The following EZR variants were observed in gnomAD, a reference collection of about 807,000 sequenced individuals.
The protein encoded by EZR is ezrin.
A neutral mutation model predicts 74.8 loss-of-function variants in EZR; 40 were observed. That is an observed-to-expected ratio of 0.53 (90% confidence interval 0.42 to 0.70). The LOEUF (loss-of-function observed/expected upper bound fraction) is 0.70. Ranked by LOEUF, EZR falls within the 30% of genes least tolerant of loss-of-function variation. EZR has a pLI of 0.00. For synonymous variants in EZR, 341 were observed against 283.3 expected (o/e 1.20, Z -2.05); for missense variants, 678 against 755.8 (o/e 0.90, Z 1.21).
At chr6:158,794,702 G>GTACAGGTGT (rs1777032145) in intron 2 of EZR, among the ~76,000 whole-genome samples, 1 of 152,174 alleles carries the variant, frequency 6.6e-6, no homozygotes, top group Non-Finnish European at 1.5e-5. Context: ...ATCACGTGTA[G>GTACAGGTGT]TACAGGTGTG....
chr6:158,792,680 G>A (rs559430477), intron 2 of EZR, among the ~76,000 whole-genome samples: 6 of 152,038 alleles, frequency 3.9e-5, no homozygotes, highest in African/African-American at 9.6e-5. Context: ...TTATCCAGGT[G>A]TGCGGGCGCC....
intron 4 of EZR, among the ~76,000 whole-genome samples, chr6:158,786,233 G>C (rs1478572704): frequency 6.6e-6 from 1 of 152,086 alleles, no homozygotes; most frequent in Non-Finnish European, 1.5e-5. Context: ...AATTAGCCGG[G>C]CATGATGGCA....
Position 158,767,437 on chromosome 6 carries a change from G to A in EZR, c.1420C>T (p.Pro474Ser). The A allele has an allele frequency of 6.2e-7, 1 of 1,613,096 alleles. No homozygotes were observed. The highest frequency in any genetic ancestry group is 8.5e-7 in the Non-Finnish European group (1 of 1,179,480). ...CTCACCGGCTCGTACACGGGGGGTG[G>A]TGGGGGCGGGGGTGCTGTCATCACC... ...HLVMTAPPPPPPPVYEPVSYH... is the reference protein window; with the variant it reads ...HLVMTAPPPPSPPVYEPVSYH... The change falls in exon 13 of 14, where the codon CCA becomes TCA. Residue 474 changes from proline to serine, a missense_variant. Pro to Ser is a moderately conservative substitution (Grantham distance 74, BLOSUM62 -1). This residue lies in a region of EZR where 342 missense variants were observed against 341.2 expected (regional missense o/e 1.00). Coordinates refer to ENST00000367075, the MANE Select transcript of EZR (RefSeq NM_001111077.2).
At chr6:158,777,883 G>C (rs535776346) in intron 7 of EZR, among the ~76,000 whole-genome samples, 1 of 150,086 alleles carries the variant, frequency 6.7e-6, no homozygotes, top group East Asian at 1.9e-4. Flanking sequence ...TTCTTTTACA[G>C]TGCTATGCTC....
chr6:158,777,099 C>T (rs745341066), intron 7 of EZR, among the ~76,000 whole-genome samples: 20 of 152,240 alleles, frequency 1.3e-4, no homozygotes, highest in Non-Finnish European at 7.3e-5. Context: ...AACATACAGG[C>T]TCTTCTGCTA....
intron 2 of EZR, among the ~76,000 whole-genome samples, chr6:158,793,727 C>T (rs912448008): frequency 2.0e-5 from 3 of 152,192 alleles, no homozygotes; most frequent in African/African-American, 7.2e-5. Flanking sequence ...TCCACACACA[C>T]ATTTCCAAAT....
chr6:158,768,600 G>A (rs1790993670), intron 12 of EZR, among the ~76,000 whole-genome samples: 1 of 152,150 alleles, frequency 6.6e-6, no homozygotes, highest in Non-Finnish European at 1.5e-5. Context: ...TCTCCAGTGG[G>A]AACCATCCCC....
chr6:158,789,397 C>A, intron 2 of EZR, 26 bp from the exon 3 acceptor site: 1 of 1,591,678 alleles, frequency 6.3e-7, no homozygotes, highest in Non-Finnish European at 8.6e-7. Flanking sequence ...AAACAAATTA[C>A]GCTTAACTGA....
intron 2 of EZR, among the ~76,000 whole-genome samples, chr6:158,816,903 T>C (rs1462269056): frequency 3.3e-5 from 5 of 152,106 alleles, no homozygotes; most frequent in South Asian, 2.1e-4. Context: ...CTGGCCAACA[T>C]GGTGAAACCC....
intron 2 of EZR, among the ~76,000 whole-genome samples, chr6:158,793,333 G>A (rs1373318348): frequency 6.6e-6 from 1 of 151,940 alleles, no homozygotes; most frequent in Non-Finnish European, 1.5e-5. Context: ...CCTGTTAAAA[G>A]GAATAATTTC....
intron 7 of EZR, among the ~76,000 whole-genome samples, chr6:158,782,054 TG>T (rs1391950729): frequency 6.6e-6 from 1 of 152,176 alleles, no homozygotes; most frequent in East Asian, 1.9e-4. Context: ...CCGCTGTGCC[TG>T]GCTTTTCCGT....
rs1217880341 is a variant in EZR at position 158,769,846 on chromosome 6, G to A, written c.1189C>T (p.Leu397=). The A allele has an allele frequency of 1.2e-6, 2 of 1,613,968 alleles. No individual in the cohort carries two copies. The highest frequency in any genetic ancestry group is 2.2e-5 in the South Asian group (2 of 91,086). ...ERLEADRMAA[L]RAKEELERQA... ...CTCTCCAGCTCCTCCTTAGCCCGCAGTGCAGCCATACGGTCAGCCTCTAGG... is the reference window on the plus strand; with the variant it reads ...CTCTCCAGCTCCTCCTTAGCCCGCAATGCAGCCATACGGTCAGCCTCTAGG... Residue 397 remains leucine (L), a synonymous_variant, in exon 11 of 14, where the codon CTG becomes TTG. Coordinates refer to ENST00000367075, the MANE Select transcript of EZR (RefSeq NM_001111077.2).
chr6:158,769,746 T>C (rs1791037196), intron 11 of EZR, 38 bp downstream of exon 11: 1 of 1,609,786 alleles, frequency 6.2e-7, no homozygotes, highest in East Asian at 2.2e-5. Flanking sequence ...AAGCAGCCTC[T>C]CTATAATTCA....
At position 158,785,313 on chromosome 6, in the gene EZR, G is replaced by C; in HGVS notation, c.463C>G (p.Gln155Glu). ...GYLSSERLIP[Q>E]RVMDQHKLTR... ...GCCGGGTCATCCTGTGCTCACCTTT[G>C]AGGGATCAGCCGCTCAGAGCTGAGG... Residue 155 changes from glutamine (Q) to glutamate (E), a missense_variant, in exon 5 of 14, where the codon CAA becomes GAA. Coordinates refer to ENST00000367075, the MANE Select transcript of EZR (RefSeq NM_001111077.2). 6.2e-7 allele frequency: 1 copy of C among 1,613,866 alleles called. No homozygotes were observed. The highest frequency in any genetic ancestry group is 8.5e-7 in the Non-Finnish European group (1 of 1,179,994).
chr6:158,812,367 A>G (rs1777467541), intron 2 of EZR, among the ~76,000 whole-genome samples: 2 of 152,170 alleles, frequency 1.3e-5, no homozygotes, highest in Admixed American at 1.3e-4. Flanking sequence ...CTATTGAATC[A>G]GCAGTACCAT....
intron 2 of EZR, among the ~76,000 whole-genome samples, chr6:158,804,455 A>T (rs1174421059): frequency 1.3e-5 from 2 of 152,206 alleles, no homozygotes; most frequent in African/African-American, 4.8e-5. Context: ...ATTGTATACC[A>T]TGTGATTTCA....
At chr6:158,779,061 C>T (rs771120152) in intron 7 of EZR, among the ~76,000 whole-genome samples, 11 of 152,186 alleles carry the variant, frequency 7.2e-5, no homozygotes, top group Non-Finnish European at 1.3e-4. Flanking sequence ...AGTGATTTTA[C>T]AGTGGAGAAA....
intron 2 of EZR, among the ~76,000 whole-genome samples, chr6:158,809,351 G>A (rs549852445): frequency 6.6e-6 from 1 of 152,152 alleles, no homozygotes; most frequent in South Asian, 2.1e-4. Flanking sequence ...TATCAATGAG[G>A]AAAAAAGCAA....
rs146962784 is a variant in EZR at position 158,814,778 on chromosome 6, T to C, written c.12+3304A>G. Among the ~76,000 whole-genome samples, 116 of 152,252 alleles carry C rather than the reference T, an allele frequency of 7.6e-4. 3 individuals are homozygous for C. In the East Asian group the frequency reaches 0.022, roughly 29 times the overall value. ...GGATAGTCTTGATCTCTTGACCTTG[T>C]GATCCGCCCACCTCGGCCTCCCAAA... On this transcript the variant is annotated intron_variant, in intron 2 of 13. Transcript: ENST00000367075.
Sources: gnomAD v4.1 joint callset for allele counts (sites outside exome capture counted in the v4.1 genomes callset) on GRCh38, gnomAD v4.1.1 for gene constraint, gnomAD v4.1.1 regional missense constraint, MANE v1.5 for transcripts, NCBI Gene and HGNC (gene_info 2026-07-23, HGNC 2026-07-21) for gene names.